MMP26: variants seen among roughly 807,000 people sequenced by gnomAD.
MMP26 encodes matrix metalloproteinase-26.
MMP26 carries 33 observed loss-of-function variants against 31.0 expected under a neutral mutation model. The ratio of observed to expected loss-of-function variants is 1.06; its 90% CI spans 0.81 to 1.42. The LOEUF is 1.42. Among genes scored for constraint, MMP26 ranks in the 40% most tolerant of loss-of-function variants. The pLI is 0.00. For synonymous variants in MMP26, 122 were observed against 114.9 expected (o/e 1.06, Z -0.40); for missense variants, 347 against 316.1 (o/e 1.10, Z -0.74).
At position 4,724,541 on chromosome 11, in the gene MMP26, C is replaced by T. The variant is rs377133496; in HGVS notation, c.-217+19496C>T. Among the ~76,000 whole-genome samples, 30 of 152,228 alleles carry T rather than the reference C, an allele frequency of 2.0e-4. No individual in the cohort carries two copies. The South Asian group carries it at 3.5e-3, about 18-fold the overall frequency. Reference sequence around the variant, plus strand: ...TCAATTTACTATTTCCCTTGTGAAACGCAAGGATTAGAAATTTGCCTTTCT... The same window carrying T: ...TCAATTTACTATTTCCCTTGTGAAATGCAAGGATTAGAAATTTGCCTTTCT... On this transcript the variant is annotated intron_variant, in intron 1 of 7. Transcript: ENST00000380390.
At chr11:4,804,164 C>G (rs1012461941) in intron 2 of MMP26, 3 of 1,614,004 alleles carry the variant, frequency 1.9e-6, no homozygotes, top group Admixed American at 3.3e-5. Context: ...AGGACCAGGT[C>G]AGTGATGGCC....
intron 2 of MMP26, among the ~76,000 whole-genome samples, chr11:4,931,648 T>C (rs1472296949): frequency 6.6e-6 from 1 of 151,976 alleles, no homozygotes; most frequent in Non-Finnish European, 1.5e-5. Context: ...GAATATAGGT[T>C]GAAGGAGAGT....
intron 2 of MMP26, among the ~76,000 whole-genome samples, chr11:4,830,444 G>A (rs1849631177): frequency 6.6e-6 from 1 of 152,148 alleles, no homozygotes; most frequent in Admixed American, 6.5e-5. Flanking sequence ...GTAGCATGGG[G>A]TACTTACTTG....
intron 1 of MMP26, among the ~76,000 whole-genome samples, chr11:4,766,128 T>C (rs569379310): frequency 1.3e-5 from 2 of 152,340 alleles, no homozygotes; most frequent in South Asian, 4.1e-4. Context: ...TTTCATGGAT[T>C]TTTGCCATAA....
intron 2 of MMP26, chr11:4,804,291 A>C: frequency 2.5e-6 from 4 of 1,614,114 alleles, no homozygotes; most frequent in Non-Finnish European, 3.4e-6. Flanking sequence ...ACGGAAAGGC[A>C]ATCCACAACT....
chr11:4,771,021 A>G (rs556232595), intron 2 of MMP26, among the ~76,000 whole-genome samples: 18 of 152,294 alleles, frequency 1.2e-4, no homozygotes, highest in Middle Eastern at 3.4e-3. Context: ...GGTAATGATG[A>G]AAGTATTAGC....
Position 4,882,104 on chromosome 11 carries a change from G to C in MMP26, c.-144-105964G>C. 3.7e-6 allele frequency: 6 copies of C among 1,613,894 alleles called. No individual in the cohort carries two copies. The South Asian group carries it at 6.6e-5, about 18-fold the overall frequency. ...CATGTATTATTTCCTCTCCATGCTGGCAGCTGTTGATCTATGTCTGACCAT... is the reference window on the plus strand; with the variant it reads ...CATGTATTATTTCCTCTCCATGCTGCCAGCTGTTGATCTATGTCTGACCAT... On this transcript the variant is annotated intron_variant, in intron 2 of 7. Transcript: ENST00000380390.
intron 2 of MMP26, chr11:4,908,122 T>A (rs778025786): frequency 1.1e-5 from 17 of 1,614,096 alleles, no homozygotes; most frequent in Non-Finnish European, 1.4e-5. Context: ...TCACCTTCTA[T>A]GTGCCCATCA....
chr11:4,924,424 T>C (rs1388686971), intron 2 of MMP26: 1 of 1,382,934 alleles, frequency 7.2e-7, no homozygotes, highest in Non-Finnish European at 9.8e-7. Context: ...CTCACCTAAA[T>C]GTCCCAAGAT....
Position 4,989,745 on chromosome 11 carries a change from CAGACCTACT to C in MMP26, c.198_206del (p.Leu68_Asp70del). Reference sequence around the variant, plus strand: ...CTGCAACAATTCCATCGGAATGGGACAGACCTACTTGACATGCAGATGCATGCTCTGCTA... The same window carrying C: ...CTGCAACAATTCCATCGGAATGGGACTGACATGCAGATGCATGCTCTGCTA... On this transcript the variant is annotated inframe_deletion, in exon 4 of 8. Transcript: ENST00000380390. The C allele has an allele frequency of 1.9e-6, 3 of 1,614,038 alleles. No homozygotes were observed. The highest frequency in any genetic ancestry group is 2.5e-6 in the Non-Finnish European group (3 of 1,180,018).
At chr11:4,746,433 G>A (rs896057846) in intron 1 of MMP26, among the ~76,000 whole-genome samples, 6 of 152,168 alleles carry the variant, frequency 3.9e-5, no homozygotes, top group Non-Finnish European at 4.4e-5. Context: ...TAGGCATTAA[G>A]TATTCTTAAG....
intron 2 of MMP26, among the ~76,000 whole-genome samples, chr11:4,942,611 TA>T (rs753544837): frequency 2.0e-5 from 3 of 152,226 alleles, no homozygotes; most frequent in Admixed American, 6.5e-5. Context: ...TTTATTGAAC[TA>T]TTTTTGCTTT....
Position 4,988,282 on chromosome 11 carries a change from C to A in MMP26, c.71C>A (p.Ala24Glu), listed in dbSNP as rs761627801. ...WCFAVPVPPA[A>E]DHKGWDFVEG... ...TTCGCCGTTCCAGTGCCCCCTGCTG[C>A]AGACCATAAAGGATGGGACTTTGTT... The change falls in exon 3 of 8, where the codon GCA (alanine) becomes GAA (glutamate). Residue 24 changes from alanine to glutamate, a missense_variant. By Grantham distance (107) the Ala-to-Glu change is moderately radical. Coordinates refer to ENST00000380390, the MANE Select transcript of MMP26 (RefSeq NM_021801.5). 5 of 1,614,042 alleles carry A rather than the reference C, an allele frequency of 3.1e-6. No individual in the cohort carries two copies. In the South Asian group the frequency reaches 5.5e-5, roughly 18 times the overall value.
chr11:4,757,612 C>A (rs1292476752), intron 1 of MMP26, among the ~76,000 whole-genome samples: 4 of 150,954 alleles, frequency 2.6e-5, no homozygotes, highest in African/African-American at 9.7e-5. Context: ...AAGAGACAAA[C>A]AATCCAATTA....
At position 4,905,716 on chromosome 11, in the gene MMP26, C is replaced by T. The variant is rs141377156; in HGVS notation, c.-144-82352C>T. The stretch of plus-strand genomic sequence containing the variant: ...ACTAAGGAAGCTTATTAAATATAGG[C>T]GGAATTTATAATGATTGTCTTAGAG... On this transcript the variant is annotated intron_variant, in intron 2 of 7. Transcript: ENST00000380390. Among the ~76,000 whole-genome samples the T allele has an allele frequency of 8.6e-3, 1,302 of 152,026 alleles. 23 individuals are homozygous for T. The highest frequency in any genetic ancestry group is 0.029 in the African/African-American group (1,194 of 41,456).
At chr11:4,795,842 G>GA (rs1491348239) in intron 2 of MMP26, among the ~76,000 whole-genome samples, 3 of 139,900 alleles carry the variant, frequency 2.1e-5, no homozygotes, top group African/African-American at 5.3e-5. Context: ...GAGAGAGAGA[G>GA]GGAGAGAGAG....
intron 2 of MMP26, among the ~76,000 whole-genome samples, chr11:4,866,269 A>T (rs572635739): frequency 6.6e-6 from 1 of 152,332 alleles, no homozygotes; most frequent in African/African-American, 2.4e-5. Context: ...ATTTATTTTG[A>T]GAAGATAAAT....
chr11:4,881,235 G>A (rs913745961), intron 2 of MMP26, among the ~76,000 whole-genome samples: 3 of 152,016 alleles, frequency 2.0e-5, no homozygotes, highest in African/African-American at 7.2e-5. Context: ...AGCAGCAAAC[G>A]GAACCACTGT....
chr11:4,960,270 G>C (rs530325179), intron 2 of MMP26, among the ~76,000 whole-genome samples: 4 of 151,876 alleles, frequency 2.6e-5, no homozygotes, highest in African/African-American at 4.8e-5. Context: ...TTTTTGGATA[G>C]TACTTAACCA....
Sources: gnomAD v4.1 joint callset for allele counts (sites outside exome capture counted in the v4.1 genomes callset) on GRCh38, gnomAD v4.1.1 for gene constraint, MANE v1.5 for transcripts, NCBI Gene and HGNC (gene_info 2026-07-23, HGNC 2026-07-21) for gene names.